The following PCDHGA2 variants were observed in gnomAD, a reference collection of about 807,000 sequenced individuals.
PCDHGA2 encodes the protein protocadherin gamma-A2.
PCDHGA2 carries 40 observed loss-of-function variants against 59.2 expected under a neutral mutation model. The observed-to-expected ratio is 0.68, with a 90% CI of 0.52 to 0.88. The LOEUF (loss-of-function observed/expected upper bound fraction) is 0.88. PCDHGA2 is among the 40% of genes least tolerant of loss of function. The pLI is 0.00. For missense variants in PCDHGA2, 1,226 were observed against 1,204.0 expected (o/e 1.02, Z -0.27); for synonymous variants, 560 against 526.0 (o/e 1.06, Z -0.89).
rs781695042 is a variant in PCDHGA2, at chr5:141,394,424, C to T, written c.2424+53029C>T. 6.2e-6 allele frequency: 10 copies of T among 1,614,104 alleles called. No individual in the cohort carries two copies. The African/African-American group carries it at 8.0e-5, about 13-fold the overall frequency. On this transcript the variant is annotated intron_variant, in intron 1 of 3. Transcript: ENST00000394576. The stretch of plus-strand genomic sequence containing the variant: ...AGCTACTGGTAACAGCCAGCGACAG[C>T]GGGGACCCGCCCCTCAGCAGCAACA...
At chr5:141,388,625 C>T (rs1417837696) in intron 1 of PCDHGA2, 2 of 1,613,794 alleles carry the variant, frequency 1.2e-6, no homozygotes, top group Non-Finnish European at 1.7e-6. Context: ...AAGACGTATA[C>T]AGGGTGAGCC....
chr5:141,389,767 G>A (rs2091900481), intron 1 of PCDHGA2: 1 of 1,613,028 alleles, frequency 6.2e-7, no homozygotes, highest in Non-Finnish European at 8.5e-7. Flanking sequence ...CGCACAGCGC[G>A]TGCCTTAGGC....
At chr5:141,389,036 G>A in intron 1 of PCDHGA2, 1 of 1,613,928 alleles carries the variant, frequency 6.2e-7, no homozygotes, top group Non-Finnish European at 8.5e-7. Flanking sequence ...CTTGTAAATT[G>A]GAAGGTGATG....
In PCDHGA2 at chr5:141,371,464, A is replaced by G. The variant is rs756446984; in HGVS notation, c.2424+30069A>G. The G allele has an allele frequency of 3.7e-6, 6 of 1,613,830 alleles. No individual in the cohort carries two copies. Among genetic ancestry groups the G allele is most frequent in the Non-Finnish European group, 5.1e-6 (6 of 1,179,870 alleles). ...CTGGCTTCTGAATCCCAACATATAC[A>G]AGAAGATGCTGAGCTGGGGACTGCC... is the stretch of plus-strand genomic sequence containing the variant. On this transcript the variant is annotated intron_variant, in intron 1 of 3. Coordinates refer to ENST00000394576, the MANE Select transcript of PCDHGA2 (RefSeq NM_018915.4).
chr5:141,416,042 A>G (rs1024979061), intron 1 of PCDHGA2: 1 of 193,196 alleles, frequency 5.2e-6, no homozygotes, highest in African/African-American at 2.3e-5. Context: ...ACCTCTGGAA[A>G]CACAACCCAA....
intron 1 of PCDHGA2, among the ~76,000 whole-genome samples, chr5:141,461,248 C>A (rs1209563726): frequency 6.6e-6 from 1 of 152,038 alleles, no homozygotes; most frequent in Non-Finnish European, 1.5e-5. Context: ...AATTTATATT[C>A]CCAGCAGCAA....
chr5:141,504,241 A>G (rs1282647590), intron 2 of PCDHGA2, among the ~76,000 whole-genome samples: 1 of 152,156 alleles, frequency 6.6e-6, no homozygotes, highest in Non-Finnish European at 1.5e-5. Flanking sequence ...AGAAGCAGAG[A>G]GTTCTTCTTA....
At chr5:141,388,364 G>A (rs749994962) in intron 1 of PCDHGA2, 12 of 1,613,846 alleles carry the variant, frequency 7.4e-6, no homozygotes, top group Middle Eastern at 1.6e-4. Context: ...CCCATGATGC[G>A]GATATTGGTA....
chr5:141,397,975 G>T, intron 1 of PCDHGA2: 4 of 1,189,018 alleles, frequency 3.4e-6, no homozygotes, highest in Non-Finnish European at 4.6e-6. Flanking sequence ...CCCCAGCGCC[G>T]GCCTTTACAC....
At chr5:141,426,096 T>C (rs1296875718) in intron 1 of PCDHGA2, among the ~76,000 whole-genome samples, 6 of 152,230 alleles carry the variant, frequency 3.9e-5, no homozygotes, top group Non-Finnish European at 8.8e-5. Flanking sequence ...GATATTCTGT[T>C]CAGTCACAGA....
At chr5:141,347,574 G>C (rs1413545909) in intron 1 of PCDHGA2, among the ~76,000 whole-genome samples, 8 of 152,106 alleles carry the variant, frequency 5.3e-5, no homozygotes, top group Admixed American at 3.3e-4. Context: ...ATCACTTGAA[G>C]TCAGGAGTTC....
chr5:141,399,321 T>C (rs1356696829), intron 1 of PCDHGA2: 2 of 1,613,978 alleles, frequency 1.2e-6, no homozygotes, highest in Admixed American at 1.7e-5. Context: ...AAAATTCGTA[T>C]AAGTTGGTAA....
In PCDHGA2 at chr5:141,373,263, A is replaced by G. The variant is rs559475060; in HGVS notation, c.2424+31868A>G. Among the ~76,000 whole-genome samples, 7 of 152,368 alleles carry G rather than the reference A, an allele frequency of 4.6e-5. No homozygotes were observed. In the East Asian group the frequency reaches 1.2e-3, roughly 25 times the overall value. On this transcript the variant is annotated intron_variant, in intron 1 of 3. Coordinates refer to ENST00000394576, the MANE Select transcript of PCDHGA2 (RefSeq NM_018915.4). ...CTTCCCTTTGCATGTTTTTAAAAGT[A>G]TACACAGATGTTGCCTATGTCAGGG...
intron 1 of PCDHGA2, chr5:141,393,430 C>A: frequency 6.2e-7 from 1 of 1,614,040 alleles, no homozygotes. Flanking sequence ...GAGGAAGAGG[C>A]TGCTCACCAC....
At chr5:141,368,486 A>G (rs1329429156) in intron 1 of PCDHGA2, among the ~76,000 whole-genome samples, 1 of 152,214 alleles carries the variant, frequency 6.6e-6, no homozygotes, top group African/African-American at 2.4e-5. Context: ...TAACAAGAGA[A>G]TCTATACAGT....
chr5:141,362,184 C>T (rs1252521454), intron 1 of PCDHGA2: 1 of 1,614,058 alleles, frequency 6.2e-7, no homozygotes, highest in Admixed American at 1.7e-5. Flanking sequence ...AGCCCTCTGA[C>T]CCCCAGGCAA....
At chr5:141,371,462 A>G (rs181808735) in intron 1 of PCDHGA2, 29 of 1,613,988 alleles carry the variant, frequency 1.8e-5, no homozygotes, top group Admixed American at 3.3e-5. Flanking sequence ...CCCAACATAT[A>G]CAAGAAGATG....
intron 1 of PCDHGA2, chr5:141,364,149 C>A: frequency 1.8e-6 from 1 of 542,530 alleles, no homozygotes; most frequent in Non-Finnish European, 3.0e-6. Context: ...GGGAAAGAAG[C>A]TGCCGCAGAG....
chr5:141,344,181 A>G, intron 1 of PCDHGA2: 7 of 1,614,022 alleles, frequency 4.3e-6, no homozygotes, highest in Non-Finnish European at 5.9e-6. Flanking sequence ...CAACATCGCT[A>G]ACGACCTGGG....
Sources: gnomAD v4.1 joint callset for allele counts (sites outside exome capture counted in the v4.1 genomes callset) on GRCh38, gnomAD v4.1.1 for gene constraint, MANE v1.5 for transcripts, NCBI Gene and HGNC (gene_info 2026-07-23, HGNC 2026-07-21) for gene names.